The following TENM3 variants were observed in gnomAD, a reference collection of about 807,000 sequenced individuals.
TENM3 encodes teneurin-3.
TENM3 carries 63 observed loss-of-function variants against 255.1 expected under a neutral mutation model. The observed-to-expected ratio is 0.25, with a 90% CI of 0.20 to 0.30. The LOEUF (loss-of-function observed/expected upper bound fraction) is 0.30. Among genes scored for constraint, TENM3 ranks in the 10% least tolerant of loss-of-function variants. The pLI is 1.00. For missense variants in TENM3, 2,929 were observed against 3,461.1 expected, an observed-to-expected ratio of 0.85 and a Z score of 3.86; for synonymous variants, 1,306 against 1,322.3, an observed-to-expected ratio of 0.99 and a Z score of 0.27.
At chr4:182,630,455 A>G (rs953990162) in intron 5 of TENM3, among the ~76,000 whole-genome samples, 6 of 151,918 alleles carry the variant, frequency 3.9e-5, no homozygotes, top group African/African-American at 1.5e-4. Context: ...CCAGTCATAA[A>G]TGGGATGTAA....
At chr4:182,129,118 G>T in the TENM3 span, among the ~76,000 whole-genome samples, 1 of 152,174 alleles carries the variant, frequency 6.6e-6, no homozygotes. Flanking sequence ...CTAGCGCTGT[G>T]CAAAGTATAT....
chr4:182,630,508 G>A (rs1484205291), intron 5 of TENM3, among the ~76,000 whole-genome samples: 1 of 152,046 alleles, frequency 6.6e-6, no homozygotes, highest in African/African-American at 2.4e-5. Context: ...GAGAACACAC[G>A]GGCACAGGGA....
At chr4:181,551,807 A>T in the TENM3 span, among the ~76,000 whole-genome samples, 5 of 140,972 alleles carry the variant, frequency 3.5e-5, no homozygotes, top group Admixed American at 1.4e-4. Context: ...GGCAGTTAAT[A>T]ATATATATAT....
At chr4:182,666,373 A>G (rs1230840515) in intron 6 of TENM3, among the ~76,000 whole-genome samples, 4 of 152,222 alleles carry the variant, frequency 2.6e-5, no homozygotes, top group Non-Finnish European at 4.4e-5. Flanking sequence ...CCCATCCTTC[A>G]GAGAAACCTT....
At chr4:182,053,902 T>A in the TENM3 span, among the ~76,000 whole-genome samples, 1 of 152,082 alleles carries the variant, frequency 6.6e-6, no homozygotes, top group Non-Finnish European at 1.5e-5. Context: ...CTGGGGTCCA[T>A]GGGTCTGGTC....
intron 1 of TENM3, among the ~76,000 whole-genome samples, chr4:182,162,262 T>G (rs1228291734): frequency 1.3e-5 from 2 of 152,078 alleles, no homozygotes; most frequent in Non-Finnish European, 2.9e-5. Context: ...AATAAGTCCT[T>G]TTTGTTTTTC....
At chr4:182,652,263 C>T (rs1196244770) in intron 5 of TENM3, among the ~76,000 whole-genome samples, 1 of 152,154 alleles carries the variant, frequency 6.6e-6, no homozygotes, top group African/African-American at 2.4e-5. Flanking sequence ...AAAAACACTT[C>T]ACCCAGTCAG....
In TENM3 at chr4:182,767,282, G is replaced by A. The variant is rs565696256; in HGVS notation, c.4893-6190G>A. ...CATTAAGATTCCGCATCAGCCCGCC[G>A]TTCCGGGTTCGCTGTTTGTGCACAA... On this transcript the variant is annotated intron_variant, in intron 22 of 27. Coordinates refer to ENST00000511685, the MANE Select transcript of TENM3 (RefSeq NM_001080477.4). 2.6e-5 allele frequency among the ~76,000 whole-genome samples: 4 copies of A among 152,282 alleles called. No individual in the cohort carries two copies. In the South Asian group the frequency reaches 6.2e-4, roughly 24 times the overall value.
chr4:181,791,094 G>A, the TENM3 span, among the ~76,000 whole-genome samples: 1 of 152,192 alleles, frequency 6.6e-6, no homozygotes, highest in Non-Finnish European at 1.5e-5. Context: ...TGAGAACGGA[G>A]TCAAACTGGA....
At chr4:181,690,196 G>A in the TENM3 span, among the ~76,000 whole-genome samples, 2 of 152,090 alleles carry the variant, frequency 1.3e-5, no homozygotes, top group African/African-American at 4.8e-5. Context: ...CGGTAAGCCT[G>A]TGAGTATTCA....
intron 1 of TENM3, among the ~76,000 whole-genome samples, chr4:182,235,557 G>A (rs1756842021): frequency 6.6e-6 from 1 of 152,074 alleles, no homozygotes; most frequent in Non-Finnish European, 1.5e-5. Flanking sequence ...CAGCAAGCTG[G>A]AACTACTACA....
intron 1 of TENM3, among the ~76,000 whole-genome samples, chr4:182,158,309 C>A (rs186525233): frequency 1.3e-5 from 2 of 152,300 alleles, no homozygotes; most frequent in East Asian, 3.9e-4. Context: ...ATACAAAACT[C>A]ACAAATCAAA....
At chr4:181,676,807 A>C in the TENM3 span, among the ~76,000 whole-genome samples, 2 of 152,058 alleles carry the variant, frequency 1.3e-5, no homozygotes, top group East Asian at 1.9e-4. Context: ...TGAGCCCAAA[A>C]TGATTCACTT....
the TENM3 span, among the ~76,000 whole-genome samples, chr4:182,068,371 A>AT: frequency 1.4e-5 from 2 of 143,004 alleles, no homozygotes; most frequent in Non-Finnish European, 3.1e-5. Context: ...CAGAATCTTT[A>AT]TTTTTTAAAG....
the TENM3 span, among the ~76,000 whole-genome samples, chr4:182,072,817 T>C: frequency 2.7e-3 from 410 of 152,250 alleles, no homozygotes; most frequent in African/African-American, 9.3e-3. Flanking sequence ...TCCTCTAAGA[T>C]AGGTGCCGTG....
intron 18 of TENM3, among the ~76,000 whole-genome samples, chr4:182,742,574 T>G (rs1333078259): frequency 6.6e-6 from 1 of 152,260 alleles, no homozygotes; most frequent in Non-Finnish European, 1.5e-5. Context: ...CCACAAAGTT[T>G]GTTAACTTTA....
the TENM3 span, among the ~76,000 whole-genome samples, chr4:182,038,065 C>T: frequency 6.6e-6 from 1 of 152,042 alleles, no homozygotes; most frequent in Non-Finnish European, 1.5e-5. Context: ...TTCTACTTCG[C>T]GTGATTTTGC....
chr4:182,369,593 G>A (rs568843724), intron 3 of TENM3, among the ~76,000 whole-genome samples: 1 of 152,132 alleles, frequency 6.6e-6, no homozygotes, highest in African/African-American at 2.4e-5. Flanking sequence ...TATATTAAAA[G>A]TTTCTGGCCA....
At chr4:182,263,030 C>A (rs936050473) in intron 1 of TENM3, among the ~76,000 whole-genome samples, 1 of 152,094 alleles carries the variant, frequency 6.6e-6, no homozygotes. Flanking sequence ...GCCCTGAATT[C>A]TTTCTTGCGC....
Sources: gnomAD v4.1 joint callset for allele counts (sites outside exome capture counted in the v4.1 genomes callset) on GRCh38, gnomAD v4.1.1 for gene constraint, MANE v1.5 for transcripts, NCBI Gene and HGNC (gene_info 2026-07-23, HGNC 2026-07-21) for gene names.